SYNCRIP: variants seen among roughly 807,000 people sequenced by gnomAD.
The protein encoded by SYNCRIP is synaptotagmin binding cytoplasmic RNA interacting protein, also known as heterogeneous nuclear ribonucleoprotein Q.
SYNCRIP carries 9 observed loss-of-function variants against 68.9 expected under a neutral mutation model. The ratio of observed to expected loss-of-function variants is 0.13; its 90% CI spans 0.08 to 0.23. SYNCRIP has a LOEUF of 0.23. Ranked by LOEUF, SYNCRIP falls within the 10% of genes least tolerant of loss-of-function variation. The pLI, the probability that SYNCRIP is intolerant of heterozygous loss-of-function variation, is 1.00. For synonymous variants in SYNCRIP, 258 were observed against 254.0 expected (o/e 1.02, Z -0.15); for missense variants, 414 against 770.6 (o/e 0.54, Z 5.48).
intron 6 of SYNCRIP, among the ~76,000 whole-genome samples, chr6:85,628,217 G>T (rs975803216): frequency 6.6e-6 from 1 of 152,024 alleles, no homozygotes; most frequent in East Asian, 1.9e-4. Flanking sequence ...CACCACACCC[G>T]GCTAATTTTT....
chr6:85,630,358 C>G (rs1054661198), intron 6 of SYNCRIP, among the ~76,000 whole-genome samples: 3 of 152,164 alleles, frequency 2.0e-5, no homozygotes, highest in African/African-American at 7.2e-5. Context: ...GAGACTCCAT[C>G]TCAAAAACAA....
chr6:85,641,891 C>T (rs1276702199), intron 1 of SYNCRIP, among the ~76,000 whole-genome samples: 1 of 152,164 alleles, frequency 6.6e-6, no homozygotes, highest in Non-Finnish European at 1.5e-5. Context: ...AAGAACAAAG[C>T]GCTCATACAA....
downstream of SYNCRIP, chr6:85,611,343 T>C (rs1805224093): frequency 6.6e-6 from 1 of 152,580 alleles, no homozygotes; most frequent in African/African-American, 2.4e-5. Flanking sequence ...CAATTTTATT[T>C]GCAGGAATGC....
intron 6 of SYNCRIP, among the ~76,000 whole-genome samples, chr6:85,624,935 C>T (rs1341701520): frequency 1.3e-5 from 2 of 152,154 alleles, no homozygotes; most frequent in Admixed American, 6.6e-5. Flanking sequence ...ATTAATCCTC[C>T]CACACCTAAC....
At chr6:85,612,507 GA>G (rs1358401619), downstream of SYNCRIP, 1 of 163,762 alleles carries the variant, frequency 6.1e-6, no homozygotes, top group East Asian at 1.7e-4. Flanking sequence ...AAATTCAAGA[GA>G]ATATTTCAAA....
At chr6:85,617,107 TCA>T (rs942446736) in intron 10 of SYNCRIP, among the ~76,000 whole-genome samples, 8 of 151,544 alleles carry the variant, frequency 5.3e-5, no homozygotes, top group African/African-American at 1.9e-4. Context: ...CTTCTGAGCC[TCA>T]GTTTCCTCAT....
In SYNCRIP at chr6:85,631,339, C is replaced by CAA. The variant is rs71003000; in HGVS notation, c.666+5626_666+5627dup. Among the ~76,000 whole-genome samples, 333 of 91,786 alleles carry CAA rather than the reference C, an allele frequency of 3.6e-3. 10 individuals carry two copies. The highest frequency in any genetic ancestry group is 0.016 in the Middle Eastern group (2 of 126). The allele number at this position is 91,786 out of a possible 152,430, so 60.2% of individuals were successfully genotyped here. A position where few individuals can be genotyped will look rare whatever the true frequency, so the allele number is the denominator to read the frequency against. On this transcript the variant is annotated intron_variant, in intron 6 of 10. Transcript: ENST00000369622. ...GGGTGACAAAGCATGACTGTGTCTC[C>CAA]AAAAAAAAAAAAAAAAGGCCATGGC... is the stretch of plus-strand genomic sequence containing the variant.
At chr6:85,637,445 T>A (rs1383363194) in intron 4 of SYNCRIP, 89 bp from the exon 5 acceptor site, 3 of 847,120 alleles carry the variant, frequency 3.5e-6, no homozygotes, top group Middle Eastern at 3.6e-4. Flanking sequence ...CTCAAATCTT[T>A]CCAATTATCT....
At chr6:85,632,402 G>C (rs1183025766) in intron 6 of SYNCRIP, among the ~76,000 whole-genome samples, 1 of 152,174 alleles carries the variant, frequency 6.6e-6, no homozygotes, top group African/African-American at 2.4e-5. Flanking sequence ...ACTGTAACAA[G>C]TAGAATCTCA....
rs1805549065 is a variant in SYNCRIP at position 85,614,605 on chromosome 6, G to A, written c.*151C>T. 5 of 1,303,622 alleles carry A rather than the reference G, an allele frequency of 3.8e-6. No individual in the cohort carries two copies. Among genetic ancestry groups the A allele is most frequent in the Non-Finnish European group, 4.9e-6 (5 of 1,026,544 alleles). The allele number at this position is 1,303,622 out of a possible 1,614,324, so 80.8% of individuals were successfully genotyped here. ...CAGTTCGCCAGAAGCAGTTAGAAGT[G>A]TGGCTTTGTTCGTGTCCAAGCGGAT... is the stretch of plus-strand genomic sequence containing the variant. On this transcript the variant is annotated 3_prime_UTR_variant, in exon 11 of 11. Transcript: ENST00000369622.
Position 85,641,446 on chromosome 6 carries a change from A to G in SYNCRIP, c.-7T>C. The stretch of plus-strand genomic sequence containing the variant: ...TAACATGTTCTGTAGCCATGTTTCC[A>G]GAGATCTGTTCAAACGCAATAAGCA... On this transcript the variant is annotated 5_prime_UTR_variant, in exon 2 of 11. Transcript: ENST00000369622. The G allele has an allele frequency of 4.3e-6, 7 of 1,611,466 alleles. No individual in the cohort carries two copies. Among genetic ancestry groups the G allele is most frequent in the Non-Finnish European group, 5.9e-6 (7 of 1,179,128 alleles).
At chr6:85,633,559 C>T (rs918159557) in intron 6 of SYNCRIP, among the ~76,000 whole-genome samples, 2 of 152,104 alleles carry the variant, frequency 1.3e-5, no homozygotes, top group East Asian at 3.9e-4. Context: ...CCACTGCACC[C>T]CAGCCTGGGC....
At chr6:85,624,915 A>G (rs1426838581) in intron 6 of SYNCRIP, among the ~76,000 whole-genome samples, 3 of 152,366 alleles carry the variant, frequency 2.0e-5, no homozygotes, top group South Asian at 2.1e-4. Flanking sequence ...AGCAGCGGCA[A>G]TAATTATTGA....
chr6:85,625,195 A>T (rs991001342), intron 6 of SYNCRIP, among the ~76,000 whole-genome samples: 1 of 152,018 alleles, frequency 6.6e-6, no homozygotes, highest in Non-Finnish European at 1.5e-5. Flanking sequence ...AGAAAAATTT[A>T]TTGCTTTCTA....
chr6:85,636,988 T>C lies in SYNCRIP; in HGVS notation c.645A>G (p.Ala215=), dbSNP rs761432909. Residue 215 remains alanine, a synonymous_variant, in exon 6 of 11, where the codon GCA becomes GCG. Transcript: ENST00000369622. ...TTACCAGTTTAACAGCCTCCTGAGC[T>C]GCTTCTTTTGTACAAAAAGTGACAA... ...YAFVTFCTKE[A]AQEAVKLYNN... The C allele has an allele frequency of 6.2e-7, 1 of 1,609,768 alleles. No individual in the cohort carries two copies.
At chr6:85,612,746 G>A (rs1350674705), downstream of SYNCRIP, 3 of 853,254 alleles carry the variant, frequency 3.5e-6, no homozygotes, top group Non-Finnish European at 5.1e-6. Context: ...TCCCGTATTT[G>A]ATTCCATGAT....
chr6:85,627,124 C>T (rs1480613697), intron 6 of SYNCRIP, among the ~76,000 whole-genome samples: 3 of 151,818 alleles, frequency 2.0e-5, no homozygotes, highest in Non-Finnish European at 4.4e-5. Flanking sequence ...AGAAATTAGC[C>T]GGGAGTGGTG....
intron 6 of SYNCRIP, among the ~76,000 whole-genome samples, chr6:85,635,562 G>C (rs2128299145): frequency 6.6e-6 from 1 of 152,138 alleles, no homozygotes; most frequent in South Asian, 2.1e-4. Flanking sequence ...CTGAGGTCAA[G>C]AGTTCATGAC....
chr6:85,622,428 C>T (rs1175496416), intron 8 of SYNCRIP, 54 bp downstream of exon 8: 9 of 1,520,074 alleles, frequency 5.9e-6, no homozygotes, highest in Non-Finnish European at 8.2e-6. Context: ...ACCCCAACCC[C>T]GGCCCTTCTC....
Sources: gnomAD v4.1 joint callset for allele counts (sites outside exome capture counted in the v4.1 genomes callset) on GRCh38, gnomAD v4.1.1 for gene constraint, MANE v1.5 for transcripts, NCBI Gene and HGNC (gene_info 2026-07-23, HGNC 2026-07-21) for gene names.